Variants in RELL1 observed in about 807,000 individuals in gnomAD.
The protein encoded by RELL1 is RELT-like protein 1.
RELL1 carries 10 observed loss-of-function variants against 23.0 expected under a neutral mutation model. The ratio of observed to expected loss-of-function variants is 0.43; its 90% CI spans 0.27 to 0.74. The LOEUF (loss-of-function observed/expected upper bound fraction) is 0.74. Ranked by LOEUF, RELL1 falls within the 30% of genes least tolerant of loss-of-function variation. The pLI is 0.19. For synonymous variants in RELL1, 146 were observed against 146.8 expected (o/e 0.99, Z 0.04); for missense variants, 315 against 364.4 (o/e 0.86, Z 1.10).
chr4:37,640,188 T>C (rs1039157775), intron 3 of RELL1, among the ~76,000 whole-genome samples: 3 of 152,234 alleles, frequency 2.0e-5, no homozygotes, highest in African/African-American at 7.2e-5. Flanking sequence ...ATACAACACT[T>C]AATCTTTTGC....
At chr4:37,676,921 C>T (rs913345278) in intron 1 of RELL1, among the ~76,000 whole-genome samples, 1 of 152,154 alleles carries the variant, frequency 6.6e-6, no homozygotes, top group Non-Finnish European at 1.5e-5. Context: ...GCGAACAAGA[C>T]ATACACGTAG....
At chr4:37,608,760 A>T (rs1289767310), downstream of RELL1, among the ~76,000 whole-genome samples, 1 of 151,026 alleles carries the variant, frequency 6.6e-6, no homozygotes, top group Non-Finnish European at 1.5e-5. Context: ...CCTCCTGAGT[A>T]GCTGAGATTA....
In RELL1 at chr4:37,611,663, A is replaced by G. The variant is rs1020049772; in HGVS notation, c.*1683T>C. ...CTCCCCCACAGCTCACCCCAGAGCT[A>G]CCATAAATCATGTAATACTATTTAT... On this transcript the variant is annotated 3_prime_UTR_variant, in exon 7 of 7. Transcript: ENST00000454158. 6.6e-6 allele frequency among the ~76,000 whole-genome samples: 1 copy of G among 152,138 alleles called. No homozygotes were observed. Among genetic ancestry groups the G allele is most frequent in the African/African-American group, 2.4e-5 (1 of 41,430 alleles).
chr4:37,605,926 GGA>G (rs975764486), downstream of RELL1, among the ~76,000 whole-genome samples: 2 of 103,716 alleles, frequency 1.9e-5, no homozygotes, highest in African/African-American at 6.2e-5. Context: ...AGGGAGGGAG[GGA>G]GAGAGAGAAG....
chr4:37,603,543 C>T (rs1417985695), intron 6 of RELL1, among the ~76,000 whole-genome samples: 3 of 152,168 alleles, frequency 2.0e-5, no homozygotes, highest in Non-Finnish European at 2.9e-5. Context: ...CACTAAATCG[C>T]GCGACGCCAT....
downstream of RELL1, among the ~76,000 whole-genome samples, chr4:37,609,718 A>T (rs1165761631): frequency 6.6e-6 from 1 of 152,216 alleles, no homozygotes; most frequent in East Asian, 1.9e-4. Context: ...TCAAGACTTC[A>T]GTGGAGGAAG....
chr4:37,669,996 C>T (rs544189729), intron 1 of RELL1, among the ~76,000 whole-genome samples: 103 of 148,198 alleles, frequency 7.0e-4, no homozygotes, highest in African/African-American at 2.3e-3. Context: ...GTGACCCTGC[C>T]AAATCCCCCT....
intron 1 of RELL1, among the ~76,000 whole-genome samples, chr4:37,673,346 T>C (rs1721907941): frequency 6.6e-6 from 1 of 151,848 alleles, no homozygotes; most frequent in African/African-American, 2.4e-5. Context: ...CATGCCACCA[T>C]GCCCAGCTAA....
At chr4:37,647,221 G>A (rs1267537439) in intron 3 of RELL1, 147 bp downstream of exon 3, 4 of 579,566 alleles carry the variant, frequency 6.9e-6, no homozygotes, top group Non-Finnish European at 1.2e-5. Context: ...TGTGAAACTT[G>A]CGTAGCTGAA....
At chr4:37,682,382 A>G (rs540146333) in intron 1 of RELL1, among the ~76,000 whole-genome samples, 115 of 152,344 alleles carry the variant, frequency 7.5e-4, no homozygotes, top group African/African-American at 2.7e-3. Context: ...AGTTTATACC[A>G]ATGACAATTT....
rs767748876 is a variant in RELL1 at position 37,635,064 on chromosome 4, C to G, written c.503G>C (p.Gly168Ala). Residue 168 changes from glycine to alanine, a missense_variant, in exon 5 of 7, where the codon GGG becomes GCG. Coordinates refer to ENST00000454158, the MANE Select transcript of RELL1 (RefSeq NM_001085400.2). ...ACAGACGTGCTTCCCTGGCGTCCCC[C>G]CTGGTGACAAAGGCCCAGGACTCAC... ...PPVSPGPLSP[G>A]GTPGKHVCGH... 4 of 1,614,218 alleles carry G rather than the reference C, an allele frequency of 2.5e-6. No homozygotes were observed. In the South Asian group the frequency reaches 3.3e-5, roughly 13 times the overall value.
chr4:37,686,365 G>T lies in RELL1; in HGVS notation c.-78C>A. ...AGGCAGAGCCGCTCCGGAGCCGGCG[G>T]GCTGATCGAGTGGCTGGGCTGGGCC... On this transcript the variant is annotated 5_prime_UTR_variant, in exon 1 of 7. Coordinates refer to ENST00000454158, the MANE Select transcript of RELL1 (RefSeq NM_001085400.2). 8.5e-7 allele frequency: 1 copy of T among 1,177,582 alleles called. No individual in the cohort carries two copies. The highest frequency in any genetic ancestry group is 1.1e-6 in the Non-Finnish European group (1 of 884,420). 72.9% of individuals were successfully genotyped at this position (1,177,582 alleles called of 1,614,324 possible). A position where few individuals can be genotyped will look rare whatever the true frequency, so the allele number is the denominator to read the frequency against.
downstream of RELL1, chr4:37,590,344 G>A (rs35633618): frequency 2.9e-4 from 471 of 1,613,696 alleles, 3 homozygotes; most frequent in African/African-American, 5.3e-3. Context: ...CCATGCCTGC[G>A]GTGTCAACGG....
intron 6 of RELL1, among the ~76,000 whole-genome samples, chr4:37,604,359 C>T (rs75700607): frequency 6.6e-6 from 1 of 151,986 alleles, no homozygotes; most frequent in Non-Finnish European, 1.5e-5. Flanking sequence ...AACTATAAAT[C>T]GGGATTGGAG....
exon 7 of RELL1, chr4:37,591,191 T>C: frequency 1.9e-6 from 1 of 535,624 alleles, no homozygotes; most frequent in Non-Finnish European, 3.3e-6. Flanking sequence ...AGTTTCACTC[T>C]GTGTAGATGA....
chr4:37,659,687 C>T (rs1245424795), intron 1 of RELL1, among the ~76,000 whole-genome samples: 6 of 151,958 alleles, frequency 3.9e-5, no homozygotes, highest in Admixed American at 1.3e-4. Context: ...GAGCTGATGT[C>T]CTTCATGGTT....
chr4:37,611,817 T>A lies in RELL1; in HGVS notation c.*1529A>T, dbSNP rs1316687015. Among the ~76,000 whole-genome samples, 2 of 151,296 alleles carry A rather than the reference T, an allele frequency of 1.3e-5. No individual in the cohort carries two copies. The highest frequency in any genetic ancestry group is 3.9e-4 in the East Asian group (2 of 5,194). On this transcript the variant is annotated 3_prime_UTR_variant, in exon 7 of 7. Transcript: ENST00000454158. ...TAAATAATGAGCATTAGTTACAGGA[T>A]GAAAAACAGGAAATACACAAAGAAA...
At chr4:37,667,315 A>G (rs1419310582) in intron 1 of RELL1, among the ~76,000 whole-genome samples, 1 of 151,856 alleles carries the variant, frequency 6.6e-6, no homozygotes, top group Non-Finnish European at 1.5e-5. Context: ...TTTCATCCTT[A>G]CAATAACTCT....
chr4:37,615,469 G>A (rs1389311465), intron 6 of RELL1, among the ~76,000 whole-genome samples: 2 of 152,112 alleles, frequency 1.3e-5, no homozygotes, highest in Non-Finnish European at 2.9e-5. Flanking sequence ...GTGTTACAAG[G>A]TGCCTTCCAT....
Sources: gnomAD v4.1 joint callset for allele counts (sites outside exome capture counted in the v4.1 genomes callset) on GRCh38, gnomAD v4.1.1 for gene constraint, MANE v1.5 for transcripts, NCBI Gene and HGNC (gene_info 2026-07-23, HGNC 2026-07-21) for gene names.